The following STK38 variants were observed in gnomAD, a reference collection of about 807,000 sequenced individuals.
The protein encoded by STK38 is serine/threonine-protein kinase 38.
Under a neutral mutation model 59.0 loss-of-function variants are expected in STK38, and 26 were observed. The ratio of observed to expected loss-of-function variants is 0.44; its 90% confidence interval spans 0.32 to 0.61. STK38 has a LOEUF of 0.61. Among genes scored for constraint, STK38 ranks in the 20% least tolerant of loss-of-function variants. STK38 has a pLI of 0.04. For synonymous variants in STK38, 175 were observed against 176.6 expected (o/e 0.99, Z 0.07); for missense variants, 433 against 566.0 (o/e 0.76, Z 2.38).
chr6:36,523,662 T>G (rs968272826), intron 4 of STK38, among the ~76,000 whole-genome samples: 2 of 152,346 alleles, frequency 1.3e-5, no homozygotes, highest in Non-Finnish European at 2.9e-5. Flanking sequence ...GGAATGACCT[T>G]GCATGGGCTC....
chr6:36,512,925 G>A (rs1470542156), intron 7 of STK38, among the ~76,000 whole-genome samples: 4 of 152,180 alleles, frequency 2.6e-5, no homozygotes, highest in Non-Finnish European at 4.4e-5. Flanking sequence ...CTACCAAAGA[G>A]CTGGGATTAC....
At chr6:36,515,189 G>C (rs1235820357) in intron 7 of STK38, 149 bp downstream of exon 7, 1 of 810,382 alleles carries the variant, frequency 1.2e-6, no homozygotes, top group Admixed American at 3.3e-5. Context: ...GGAAGTGACA[G>C]CAAACTTACC....
At position 36,517,855 on chromosome 6, in the gene STK38, A is replaced by G. The variant is rs751632141; in HGVS notation, c.391-15T>C. The G allele has an allele frequency of 1.2e-6, 2 of 1,611,162 alleles. No homozygotes were observed. The highest frequency in any genetic ancestry group is 1.7e-6 in the Non-Finnish European group (2 of 1,178,808). ...ATGTGGCCAACCTGGAGGTATATGCATTTGATTAATGACAAAGCTTGCTCT... is the reference window on the plus strand; with the variant it reads ...ATGTGGCCAACCTGGAGGTATATGCGTTTGATTAATGACAAAGCTTGCTCT... On this transcript the variant is annotated splice_polypyrimidine_tract_variant and intron_variant, in intron 5 of 13. Coordinates refer to ENST00000229812, the MANE Select transcript of STK38 (RefSeq NM_007271.4).
chr6:36,535,618 C>A (rs1352168372), intron 2 of STK38, among the ~76,000 whole-genome samples: 2 of 151,874 alleles, frequency 1.3e-5, no homozygotes, highest in Admixed American at 6.6e-5. Context: ...TGGCTCATAC[C>A]TATAATCCCA....
Position 36,504,653 on chromosome 6 carries a change from T to TA in STK38, c.834+1929dup, listed in dbSNP as rs147508272. Among the ~76,000 whole-genome samples, 826 of 152,212 alleles carry TA rather than the reference T, an allele frequency of 5.4e-3. 4 individuals are homozygous for TA. The highest frequency in any genetic ancestry group is 0.019 in the African/African-American group (781 of 41,560). On this transcript the variant is annotated intron_variant, in intron 9 of 13. Coordinates refer to ENST00000229812, the MANE Select transcript of STK38 (RefSeq NM_007271.4). Reference sequence around the variant, plus strand: ...AACCTTAACCATAGCATCAGGGCCTTAAGTTTATTCAGATTTTCAAAAATG... The same window carrying TA: ...AACCTTAACCATAGCATCAGGGCCTTAAAGTTTATTCAGATTTTCAAAAATG...
intron 4 of STK38, 60 bp downstream of exon 4, chr6:36,524,281 T>A (rs1266098911): frequency 6.4e-7 from 1 of 1,557,094 alleles, no homozygotes; most frequent in Non-Finnish European, 8.6e-7. Flanking sequence ...CTTAATGGTA[T>A]GTTAGAAGCT....
intron 5 of STK38, among the ~76,000 whole-genome samples, chr6:36,519,863 G>A (rs1777339866): frequency 6.6e-6 from 1 of 152,154 alleles, no homozygotes; most frequent in Admixed American, 6.6e-5. Flanking sequence ...CTAGTTAGAT[G>A]TCATGTCTTA....
intron 9 of STK38, among the ~76,000 whole-genome samples, chr6:36,500,375 C>T (rs975485413): frequency 6.6e-6 from 1 of 151,682 alleles, no homozygotes; most frequent in African/African-American, 2.4e-5. Context: ...CCAAGGAGGA[C>T]CTTATTAGCT....
chr6:36,525,558 G>A (rs376980565), intron 3 of STK38, 33 bp downstream of exon 3: 21 of 1,604,348 alleles, frequency 1.3e-5, no homozygotes, highest in Non-Finnish European at 1.8e-5. Flanking sequence ...TGCCACGCTG[G>A]GTTTTAAGGA....
At chr6:36,536,393 A>G (rs1777791201) in intron 2 of STK38, among the ~76,000 whole-genome samples, 1 of 152,166 alleles carries the variant, frequency 6.6e-6, no homozygotes, top group Non-Finnish European at 1.5e-5. Flanking sequence ...GTTTCTGGCC[A>G]GGCACCGTAG....
chr6:36,525,073 G>A (rs560707557), intron 3 of STK38, among the ~76,000 whole-genome samples: 5 of 152,172 alleles, frequency 3.3e-5, no homozygotes, highest in Admixed American at 6.5e-5. Flanking sequence ...GGGGCCTGTC[G>A]GGGCATGGGG....
At chr6:36,544,649 A>C (rs951614517) in intron 1 of STK38, among the ~76,000 whole-genome samples, 2 of 152,028 alleles carry the variant, frequency 1.3e-5, no homozygotes, top group Non-Finnish European at 2.9e-5. Context: ...TTTGGGAGGG[A>C]GAGGTAGGAG....
chr6:36,530,246 AAAGAG>A (rs1189433502), intron 2 of STK38, among the ~76,000 whole-genome samples: 8 of 151,942 alleles, frequency 5.3e-5, no homozygotes, highest in Admixed American at 1.3e-4. Flanking sequence ...GTCAGAAAGA[AAAGAG>A]AAGAGAAGAG....
intron 2 of STK38, 84 bp downstream of exon 2, chr6:36,539,988 C>T (rs1777892834): frequency 6.4e-7 from 1 of 1,568,434 alleles, no homozygotes; most frequent in Non-Finnish European, 8.6e-7. Flanking sequence ...CTATTCTTGT[C>T]TCCTTTCAGC....
At chr6:36,545,990 C>A (rs1306192614) in intron 1 of STK38, among the ~76,000 whole-genome samples, 4 of 152,210 alleles carry the variant, frequency 2.6e-5, no homozygotes, top group African/African-American at 9.7e-5. Context: ...CCTCTCTCAA[C>A]AATATGGACT....
At chr6:36,523,019 G>C (rs1777418645) in intron 4 of STK38, among the ~76,000 whole-genome samples, 1 of 151,986 alleles carries the variant, frequency 6.6e-6, no homozygotes. Context: ...AAATTTCACT[G>C]CAAGTTCCTG....
chr6:36,528,855 A>G (rs970075528), intron 2 of STK38, among the ~76,000 whole-genome samples: 11 of 152,232 alleles, frequency 7.2e-5, no homozygotes, highest in South Asian at 2.1e-4. Flanking sequence ...CTGTGTCACA[A>G]AAGTGGCTCC....
intron 2 of STK38, among the ~76,000 whole-genome samples, chr6:36,532,820 A>AC (rs1339388124): frequency 6.6e-6 from 1 of 152,008 alleles, no homozygotes; most frequent in Non-Finnish European, 1.5e-5. Context: ...AATCACTTGA[A>AC]CCCGGGAGGC....
At chr6:36,496,014 T>C (rs1415052769) in intron 13 of STK38, 100 bp from the exon 14 acceptor site, 1 of 1,364,046 alleles carries the variant, frequency 7.3e-7, no homozygotes, top group Non-Finnish European at 1.0e-6. Context: ...CCAGTTTCTA[T>C]TTGGGAAAGC....
Sources: allele counts gnomAD v4.1 joint callset (sites outside exome capture counted in the v4.1 genomes callset), GRCh38; gene constraint gnomAD v4.1.1; transcripts MANE v1.5; gene names NCBI Gene and HGNC (gene_info 2026-07-23, HGNC 2026-07-21).